Variants in MYO3B observed in about 807,000 individuals in gnomAD.
MYO3B encodes myosin IIIB.
A neutral mutation model predicts 174.6 loss-of-function variants in MYO3B; 156 were observed. The ratio of observed to expected loss-of-function variants is 0.89; its 90% CI spans 0.78 to 1.02. The LOEUF (loss-of-function observed/expected upper bound fraction) is 1.02, where lower values mean the gene tolerates loss of function less well. Among genes scored for constraint, MYO3B ranks in the 50% least tolerant of loss-of-function variants. The pLI is 0.00. For missense variants in MYO3B, 1,632 were observed against 1,639.4 expected (o/e 1.00, Z 0.08); for synonymous variants, 563 against 569.1 (o/e 0.99, Z 0.15).
intron 8 of MYO3B, among the ~76,000 whole-genome samples, chr2:170,342,759 G>C (rs1030046791): frequency 3.3e-5 from 5 of 152,018 alleles, no homozygotes; most frequent in African/African-American, 1.2e-4. Flanking sequence ...AGAAATTGAG[G>C]TAAAAAGAGG....
intron 32 of MYO3B, among the ~76,000 whole-genome samples, chr2:170,584,992 A>C (rs1293771839): frequency 6.6e-6 from 1 of 152,228 alleles, no homozygotes; most frequent in African/African-American, 2.4e-5. Context: ...TATTCCTCTC[A>C]TGCAGCAGTT....
intron 32 of MYO3B, among the ~76,000 whole-genome samples, chr2:170,574,913 C>A (rs558878251): frequency 6.6e-6 from 1 of 152,146 alleles, no homozygotes; most frequent in South Asian, 2.1e-4. Flanking sequence ...TTCTCCCTCT[C>A]CCTCTTCTCT....
chr2:170,553,762 A>G (rs1020157566), intron 32 of MYO3B, among the ~76,000 whole-genome samples: 31 of 152,176 alleles, frequency 2.0e-4, no homozygotes, highest in African/African-American at 6.5e-4. Context: ...CGCCACCCAA[A>G]TCTCATGTTG....
At position 170,457,013 on chromosome 2, in the gene MYO3B, G is replaced by A. The variant is rs148242948; in HGVS notation, c.2731-6355G>A. ...TACTGTACTGAATACTGTAGGCAAT[G>A]TAACACAGTGGTATTTTTGTATCTA... is the stretch of plus-strand genomic sequence containing the variant. On this transcript the variant is annotated intron_variant, in intron 23 of 34. Transcript: ENST00000408978. Among the ~76,000 whole-genome samples the A allele has an allele frequency of 4.2e-3, 647 of 152,310 alleles. 4 individuals carry two copies. Among genetic ancestry groups the A allele is most frequent in the African/African-American group, 0.015 (632 of 41,568 alleles).
chr2:170,643,012 G>A (rs1441691472), intron 32 of MYO3B, among the ~76,000 whole-genome samples: 1 of 150,834 alleles, frequency 6.6e-6, no homozygotes, highest in Non-Finnish European at 1.5e-5. Flanking sequence ...TGACTACACA[G>A]TAGAACCACC....
intron 32 of MYO3B, among the ~76,000 whole-genome samples, chr2:170,628,636 C>T (rs145981208): frequency 0.013 from 1,911 of 152,168 alleles, 27 homozygotes; most frequent in Middle Eastern, 0.068. Context: ...ACGCTGGGAG[C>T]TGTAGACTGG....
At chr2:170,403,827 A>G (rs995887719) in intron 19 of MYO3B, among the ~76,000 whole-genome samples, 11 of 152,136 alleles carry the variant, frequency 7.2e-5, no homozygotes, top group Non-Finnish European at 1.6e-4. Context: ...GGTTCCTTCC[A>G]TTTATTTCCC....
chr2:170,564,581 A>G (rs997861074), intron 32 of MYO3B, among the ~76,000 whole-genome samples: 2 of 152,242 alleles, frequency 1.3e-5, no homozygotes, highest in Non-Finnish European at 2.9e-5. Context: ...AAATAAGAGA[A>G]ATGGAAAAGA....
At chr2:170,598,976 C>A (rs1435136095) in intron 32 of MYO3B, among the ~76,000 whole-genome samples, 4 of 152,154 alleles carry the variant, frequency 2.6e-5, no homozygotes, top group Non-Finnish European at 4.4e-5. Context: ...TCCTTTCATG[C>A]CTCTGTTTAA....
At chr2:170,456,729 GTTAT>G (rs1360466935) in intron 23 of MYO3B, among the ~76,000 whole-genome samples, 1 of 152,200 alleles carries the variant, frequency 6.6e-6, no homozygotes, top group Non-Finnish European at 1.5e-5. Flanking sequence ...GAGAACTAAT[GTTAT>G]TTGTTATATG....
chr2:170,606,309 T>G (rs948523014), intron 32 of MYO3B, among the ~76,000 whole-genome samples: 1 of 152,192 alleles, frequency 6.6e-6, no homozygotes, highest in Admixed American at 6.5e-5. Context: ...ATCCCCTTCC[T>G]CACTACATTC....
intron 8 of MYO3B, chr2:170,350,772 A>T (rs1208974790): frequency 2.0e-5 from 3 of 152,256 alleles, no homozygotes; most frequent in African/African-American, 7.2e-5. Flanking sequence ...TACATACATT[A>T]ATAGCTTAAT....
In MYO3B at chr2:170,401,490, T is replaced by C; in HGVS notation, c.1928T>C (p.Val643Ala). Residue 643 changes from valine to alanine, a missense_variant, in exon 18 of 35, where the codon GTT becomes GCT. Physicochemically the swap from Val to Ala is moderately conservative, Grantham distance 64. Transcript: ENST00000408978. ...TTACTCTTTGTTTCAGCTGCCTCTG[T>C]TCTGTGCATTAGCCCTGAAGAGCTC... ...NAEALQNAAS[V>A]LCISPEELQE... 6.2e-7 allele frequency: 1 copy of C among 1,614,162 alleles called. No homozygotes were observed.
At chr2:170,577,407 T>C (rs1399876468) in intron 32 of MYO3B, among the ~76,000 whole-genome samples, 1 of 152,158 alleles carries the variant, frequency 6.6e-6, no homozygotes, top group Non-Finnish European at 1.5e-5. Flanking sequence ...TAAACCCTGG[T>C]TGAATGTGTA....
At chr2:170,421,789 TG>T (rs1172516777) in intron 22 of MYO3B, among the ~76,000 whole-genome samples, 1 of 152,230 alleles carries the variant, frequency 6.6e-6, no homozygotes, top group Non-Finnish European at 1.5e-5. Context: ...GTGTATGATG[TG>T]GCTGTGGGGT....
At chr2:170,367,488 C>T (rs1450812626) in intron 8 of MYO3B, among the ~76,000 whole-genome samples, 1 of 152,116 alleles carries the variant, frequency 6.6e-6, no homozygotes, top group Non-Finnish European at 1.5e-5. Flanking sequence ...GCACAACTAC[C>T]GGGTGCATCT....
intron 17 of MYO3B, 125 bp downstream of exon 17, chr2:170,400,439 T>G (rs1157841989): frequency 8.4e-7 from 1 of 1,190,178 alleles, no homozygotes; most frequent in African/African-American, 1.6e-5. Flanking sequence ...GGAGTCTCAC[T>G]CTGTCATCCA....
chr2:170,557,150 T>TTA (rs1004472381), intron 32 of MYO3B, among the ~76,000 whole-genome samples: 22 of 150,154 alleles, frequency 1.5e-4, no homozygotes, highest in East Asian at 1.4e-3. Context: ...TTATTTTTAT[T>TTA]TTTTTTTGAG....
intron 7 of MYO3B, among the ~76,000 whole-genome samples, chr2:170,271,905 G>C (rs1426319346): frequency 1.3e-5 from 2 of 151,904 alleles, no homozygotes; most frequent in Non-Finnish European, 2.9e-5. Context: ...GGACTAGTAG[G>C]TTTTAGTGGC....
Sources: gnomAD v4.1 joint callset for allele counts (sites outside exome capture counted in the v4.1 genomes callset) on GRCh38, gnomAD v4.1.1 for gene constraint, MANE v1.5 for transcripts, NCBI Gene and HGNC (gene_info 2026-07-23, HGNC 2026-07-21) for gene names.